Variants in KCNK13 observed in about 807,000 individuals in gnomAD.
KCNK13 encodes the protein potassium two pore domain channel subfamily K member 13.
KCNK13 carries 12 observed loss-of-function variants against 23.4 expected under a neutral mutation model. That is an observed-to-expected ratio of 0.51 (90% confidence interval 0.33 to 0.83). The LOEUF is 0.83. Ranked by LOEUF, KCNK13 falls within the 40% of genes least tolerant of loss-of-function variation. The pLI is 0.02. For synonymous variants in KCNK13, 231 were observed against 229.5 expected (o/e 1.01, Z -0.06); for missense variants, 463 against 556.3 (o/e 0.83, Z 1.69).
intron 1 of KCNK13, among the ~76,000 whole-genome samples, chr14:90,140,833 T>C (rs1889997275): frequency 6.6e-6 from 1 of 152,224 alleles, no homozygotes; most frequent in Admixed American, 6.5e-5. Flanking sequence ...TGATCATTCC[T>C]CTGGCTACTT....
At chr14:90,177,550 G>T (rs911433222) in intron 1 of KCNK13, among the ~76,000 whole-genome samples, 1 of 152,158 alleles carries the variant, frequency 6.6e-6, no homozygotes, top group Non-Finnish European at 1.5e-5. Flanking sequence ...TTGGTTTTCG[G>T]AGTATGCATG....
At chr14:90,126,943 A>C (rs990119138) in intron 1 of KCNK13, among the ~76,000 whole-genome samples, 1 of 152,334 alleles carries the variant, frequency 6.6e-6, no homozygotes, top group South Asian at 2.1e-4. Context: ...ATCAAAACCA[A>C]GGAAAGTCTA....
chr14:90,184,417 C>G lies in KCNK13; in HGVS notation c.641C>G (p.Ala214Gly). 1 of 1,614,264 alleles carries G rather than the reference C, an allele frequency of 6.2e-7. No individual in the cohort carries two copies. The highest frequency in any genetic ancestry group is 8.5e-7 in the Non-Finnish European group (1 of 1,180,056). The change falls in exon 2 of 2, where the codon GCC becomes GGC. Residue 214 changes from alanine (A) to glycine (G), a missense_variant. Around this residue, in one of 3 missense-constraint regions of KCNK13, gnomAD observed 144 missense variants for 224.0 expected, o/e 0.64. Transcript: ENST00000282146. The surrounding 1 kb of genome is among the most constrained non-coding windows in gnomAD (Gnocchi z 5.6). ...ATCCTCATCTCTTGCTGCGCCTCAG[C>G]CATGTACACCCCCATTGAAGGCTGG... ...ASILISCCAS[A>G]MYTPIEGWSY... is the part of the protein sequence containing the mutation.
intron 1 of KCNK13, chr14:90,107,929 T>C (rs1178808714): frequency 1.3e-6 from 1 of 747,434 alleles, no homozygotes; most frequent in Non-Finnish European, 2.5e-6. Flanking sequence ...GATGCAGTGA[T>C]CTAGTCACTA....
At chr14:90,080,102 G>A in intron 1 of KCNK13, among the ~76,000 whole-genome samples, 1 of 152,152 alleles carries the variant, frequency 6.6e-6, no homozygotes, top group Admixed American at 6.6e-5. Flanking sequence ...ATCCCTAGTT[G>A]AGTTTTGAAG....
Position 90,145,460 on chromosome 14 carries a change from T to G in KCNK13, c.335-38651T>G, listed in dbSNP as rs774083984. ...TAAATTCTCCTTAATTATGATGTAT[T>G]ATCATTTTTATACATTGTTGGATTC... On this transcript the variant is annotated intron_variant, in intron 1 of 1. Transcript: ENST00000282146. 1.1e-4 allele frequency among the ~76,000 whole-genome samples: 16 copies of G among 152,300 alleles called. No individual in the cohort carries two copies. The South Asian group carries it at 2.3e-3, about 22-fold the overall frequency.
intron 1 of KCNK13, among the ~76,000 whole-genome samples, chr14:90,157,825 C>T (rs376866146): frequency 4.6e-5 from 7 of 151,036 alleles, no homozygotes; most frequent in African/African-American, 9.7e-5. Context: ...CTCAGCCTCC[C>T]GAGTAGCTGG....
intron 1 of KCNK13, among the ~76,000 whole-genome samples, chr14:90,162,358 T>C (rs1890261276): frequency 1.3e-5 from 2 of 152,182 alleles, no homozygotes; most frequent in South Asian, 4.1e-4. Context: ...TCAGAGATGG[T>C]GCTGAAGAGC....
chr14:90,115,539 C>T (rs1392361128), intron 1 of KCNK13, among the ~76,000 whole-genome samples: 1 of 152,176 alleles, frequency 6.6e-6, no homozygotes, highest in Admixed American at 6.6e-5. Flanking sequence ...ATGTCTGACC[C>T]AGGGGCCCTT....
intron 1 of KCNK13, among the ~76,000 whole-genome samples, chr14:90,063,137 AG>A (rs1215266502): frequency 2.0e-5 from 3 of 152,170 alleles, no homozygotes; most frequent in Admixed American, 2.0e-4. Flanking sequence ...AATTCGTGTT[AG>A]GCATAACTTG....
intron 1 of KCNK13, among the ~76,000 whole-genome samples, chr14:90,130,003 G>A (rs575036307): frequency 1.1e-4 from 17 of 152,150 alleles, no homozygotes; most frequent in Admixed American, 3.3e-4. Flanking sequence ...CATGTTAGCC[G>A]AGACCATCAA....
chr14:90,080,796 C>T (rs748068989), intron 1 of KCNK13, among the ~76,000 whole-genome samples: 3 of 152,168 alleles, frequency 2.0e-5, no homozygotes, highest in Non-Finnish European at 2.9e-5. Context: ...AATAGCTAAC[C>T]GGCCCATGTC....
chr14:90,082,206 C>T (rs1889221210), intron 1 of KCNK13, among the ~76,000 whole-genome samples: 1 of 151,746 alleles, frequency 6.6e-6, no homozygotes, highest in South Asian at 2.1e-4. Flanking sequence ...GGACTATAGG[C>T]ATATGCCACC....
chr14:90,181,633 A>T (rs1890487335), intron 1 of KCNK13, among the ~76,000 whole-genome samples: 1 of 152,198 alleles, frequency 6.6e-6, no homozygotes, highest in South Asian at 2.1e-4. Context: ...TCAGTAAATT[A>T]TTGCTATCAC....
At chr14:90,133,812 T>C (rs990108882) in intron 1 of KCNK13, among the ~76,000 whole-genome samples, 2 of 152,114 alleles carry the variant, frequency 1.3e-5, no homozygotes, top group Non-Finnish European at 2.9e-5. Flanking sequence ...GCAGCCTCCA[T>C]GATCCCTCTC....
rs1888951941 is a variant in KCNK13, at chr14:90,062,267, T to C, written c.62T>C (p.Leu21Pro). 6.5e-7 allele frequency: 1 copy of C among 1,549,054 alleles called. No individual in the cohort carries two copies. Among genetic ancestry groups the C allele is most frequent in the Non-Finnish European group, 8.7e-7 (1 of 1,156,048 alleles). The change falls in exon 1 of 2, where the codon CTG becomes CCG. Residue 21 changes from leucine (L) to proline (P), a missense_variant. Transcript: ENST00000282146. The surrounding 1 kb of genome is among the most constrained non-coding windows in gnomAD (Gnocchi z 4.5). Reference protein sequence around the residue: ...GHLNEDNARFLLLAALIVLYL... With the variant: ...GHLNEDNARFPLLAALIVLYL... ...CTGAACGAGGACAACGCGCGCTTTC[T>C]GCTGCTGGCCGCGCTCATCGTGCTC...
At chr14:90,172,801 T>C (rs1431684464) in intron 1 of KCNK13, among the ~76,000 whole-genome samples, 2 of 152,176 alleles carry the variant, frequency 1.3e-5, no homozygotes, top group Admixed American at 6.5e-5. Context: ...ACGATCAACA[T>C]TGTCATCAGA....
intron 1 of KCNK13, among the ~76,000 whole-genome samples, chr14:90,102,355 C>T (rs1889492077): frequency 6.6e-6 from 1 of 152,192 alleles, no homozygotes; most frequent in Non-Finnish European, 1.5e-5. Flanking sequence ...TCATAACTCT[C>T]CCATCAACTA....
intron 1 of KCNK13, among the ~76,000 whole-genome samples, chr14:90,111,090 ATAC>A (rs1396595200): frequency 6.6e-6 from 1 of 152,066 alleles, no homozygotes; most frequent in Non-Finnish European, 1.5e-5. Flanking sequence ...TAGCCTATTA[ATAC>A]TTAATTCCCT....
Sources: allele counts gnomAD v4.1 joint callset (sites outside exome capture counted in the v4.1 genomes callset), GRCh38; gene constraint gnomAD v4.1.1; regional missense constraint gnomAD v4.1.1; non-coding constraint Gnocchi (gnomAD v3.1); transcripts MANE v1.5; gene names NCBI Gene and HGNC (gene_info 2026-07-23, HGNC 2026-07-21).